Variants in NLGN1 observed in about 807,000 individuals in gnomAD.
NLGN1 encodes neuroligin 1, also known as neuroligin-1.
A neutral mutation model predicts 65.5 loss-of-function variants in NLGN1; 12 were observed. That is an observed-to-expected ratio of 0.18 (90% CI 0.12 to 0.30). The LOEUF (loss-of-function observed/expected upper bound fraction) is 0.30. Ranked by LOEUF, NLGN1 falls within the 10% of genes least tolerant of loss-of-function variation. The pLI is 1.00. For missense variants in NLGN1, 750 were observed against 1,007.1 expected (o/e 0.74, Z 3.46); for synonymous variants, 350 against 359.5 (o/e 0.97, Z 0.30).
intron 3 of NLGN1, among the ~76,000 whole-genome samples, chr3:173,731,345 G>T (rs1351150304): frequency 6.6e-6 from 1 of 152,006 alleles, no homozygotes; most frequent in East Asian, 1.9e-4. Context: ...CTAATATTTT[G>T]TAAAATCATT....
chr3:174,291,741 G>A, the NLGN1 span, among the ~76,000 whole-genome samples: 1 of 151,076 alleles, frequency 6.6e-6, no homozygotes, highest in Admixed American at 6.6e-5. Flanking sequence ...CGCCTCCTGA[G>A]AAATTTACCA....
At chr3:173,807,818 G>A (rs1293209380) in exon 4 of NLGN1, 1 of 1,613,264 alleles carries the variant, frequency 6.2e-7, no homozygotes, top group Non-Finnish European at 8.5e-7. Flanking sequence ...GTCAACTATC[G>A]ACTTGGAGTA....
chr3:173,568,382 C>G (rs113025634), intron 2 of NLGN1, among the ~76,000 whole-genome samples: 14,590 of 151,630 alleles, frequency 0.096, 1,233 homozygotes, highest in African/African-American at 0.23. Flanking sequence ...TACAGGTGCC[C>G]CCCACCAGGC....
intron 3 of NLGN1, among the ~76,000 whole-genome samples, chr3:173,632,643 G>A (rs774018999): frequency 6.6e-6 from 1 of 152,096 alleles, no homozygotes; most frequent in Non-Finnish European, 1.5e-5. Flanking sequence ...AATACCAGCT[G>A]GGTGCTCAAA....
At chr3:174,162,003 C>G (rs1726633042) in intron 4 of NLGN1, among the ~76,000 whole-genome samples, 1 of 151,778 alleles carries the variant, frequency 6.6e-6, no homozygotes, top group African/African-American at 2.4e-5. Context: ...CAAATCCCAT[C>G]TAATATAGGA....
chr3:173,733,584 A>T (rs1269178604), intron 3 of NLGN1, among the ~76,000 whole-genome samples: 1 of 152,072 alleles, frequency 6.6e-6, no homozygotes, highest in Non-Finnish European at 1.5e-5. Flanking sequence ...CAAGTGTACC[A>T]CTTTTTCTCC....
intron 4 of NLGN1, among the ~76,000 whole-genome samples, chr3:174,246,311 G>A (rs1299387109): frequency 6.6e-6 from 1 of 152,134 alleles, no homozygotes; most frequent in Non-Finnish European, 1.5e-5. Flanking sequence ...TATCTTTAAA[G>A]CCAACTGTTT....
chr3:173,995,525 AC>A lies in NLGN1; in HGVS notation c.646+187694del, dbSNP rs111521287. On this transcript the variant is annotated intron_variant, in intron 4 of 6. Transcript: ENST00000457714. ...ATCAAATATGTCAAGATGGTATCCC[AC>A]TGTACAAATGACTACAGAAAACTTT... 2.5e-3 allele frequency among the ~76,000 whole-genome samples: 382 copies of A among 152,288 alleles called. 2 individuals are homozygous for A. The highest frequency in any genetic ancestry group is 8.9e-3 in the African/African-American group (368 of 41,566).
intron 2 of NLGN1, among the ~76,000 whole-genome samples, chr3:173,475,731 G>C (rs917200940): frequency 2.0e-5 from 3 of 152,068 alleles, no homozygotes; most frequent in Non-Finnish European, 4.4e-5. Flanking sequence ...CATTCCTCAA[G>C]TATGTTTTAT....
chr3:173,955,051 A>G (rs929332435), intron 4 of NLGN1, among the ~76,000 whole-genome samples: 22 of 152,202 alleles, frequency 1.4e-4, no homozygotes, highest in Admixed American at 1.3e-3. Context: ...TTGTAGCACA[A>G]AAGCTGCCAC....
intron 3 of NLGN1, among the ~76,000 whole-genome samples, chr3:173,614,154 G>C (rs1181354151): frequency 6.6e-6 from 1 of 151,954 alleles, no homozygotes. Context: ...CTCTTCTAGA[G>C]TCTTCTTTCT....
chr3:173,592,874 C>T (rs895014090), intron 2 of NLGN1, among the ~76,000 whole-genome samples: 1 of 152,090 alleles, frequency 6.6e-6, no homozygotes, highest in East Asian at 1.9e-4. Flanking sequence ...CCTAAAATGG[C>T]CAACAAATTC....
chr3:174,177,932 A>G (rs1729741641), intron 4 of NLGN1, among the ~76,000 whole-genome samples: 1 of 152,108 alleles, frequency 6.6e-6, no homozygotes, highest in African/African-American at 2.4e-5. Context: ...AAGGCAGAAG[A>G]GTGAAGTGAT....
chr3:173,414,240 G>C (rs1713205845), intron 1 of NLGN1, among the ~76,000 whole-genome samples: 1 of 152,134 alleles, frequency 6.6e-6, no homozygotes, highest in Non-Finnish European at 1.5e-5. Context: ...GAGGATGCTT[G>C]AATACTGATT....
chr3:174,167,045 C>T (rs1384295365), intron 4 of NLGN1, among the ~76,000 whole-genome samples: 1 of 152,034 alleles, frequency 6.6e-6, no homozygotes, highest in Non-Finnish European at 1.5e-5. Context: ...AAACATTTCT[C>T]CAACCCTTTA....
At chr3:174,021,585 A>G (rs1394970575) in intron 4 of NLGN1, among the ~76,000 whole-genome samples, 2 of 152,166 alleles carry the variant, frequency 1.3e-5, no homozygotes, top group African/African-American at 4.8e-5. Context: ...GTAGTGTAAT[A>G]GAAACGAAGA....
chr3:174,045,795 T>C (rs73880322), intron 4 of NLGN1, among the ~76,000 whole-genome samples: 3,644 of 152,258 alleles, frequency 0.024, 149 homozygotes, highest in African/African-American at 0.083. Flanking sequence ...TAAATCTGCT[T>C]GCAAATGTAA....
intron 3 of NLGN1, among the ~76,000 whole-genome samples, chr3:173,798,182 A>C (rs1221424494): frequency 2.6e-5 from 4 of 152,138 alleles, no homozygotes; most frequent in Non-Finnish European, 1.5e-5. Context: ...TGATTTCTTA[A>C]TATAGCCAAG....
chr3:173,539,657 G>GTATATATATACATATATAACATATA (rs1362050556), intron 2 of NLGN1, among the ~76,000 whole-genome samples: 4 of 124,274 alleles, frequency 3.2e-5, no homozygotes, highest in African/African-American at 9.8e-5. Context: ...TATAACATAT[G>GTATATATATACATATATAACATATA]TGTATATATG....
Sources: gnomAD v4.1 joint callset for allele counts (sites outside exome capture counted in the v4.1 genomes callset) on GRCh38, gnomAD v4.1.1 for gene constraint, MANE v1.5 for transcripts, NCBI Gene and HGNC (gene_info 2026-07-23, HGNC 2026-07-21) for gene names.